The following SMOC1 variants were observed in gnomAD, a reference collection of about 807,000 sequenced individuals.
SMOC1 encodes the protein SPARC related modular calcium binding 1.
Under a neutral mutation model 56.3 loss-of-function variants are expected in SMOC1, and 22 were observed. That is an observed-to-expected ratio of 0.39 (90% CI 0.28 to 0.56). SMOC1 has a LOEUF of 0.56. SMOC1 is among the 20% of genes least tolerant of loss of function. The probability of loss-of-function intolerance (pLI) is 0.61; values close to 1 mark genes in which losing one functional copy is unlikely to be tolerated. For synonymous variants in SMOC1, 193 were observed against 215.0 expected (o/e 0.90, Z 0.89); for missense variants, 509 against 565.4 (o/e 0.90, Z 1.01).
intron 3 of SMOC1, among the ~76,000 whole-genome samples, chr14:69,970,768 T>C (rs1409909688): frequency 6.6e-6 from 1 of 152,190 alleles, no homozygotes; most frequent in Admixed American, 6.5e-5. Context: ...TGCTCATCGG[T>C]TGCTCACCTG....
At chr14:69,967,098 C>T (rs1207859467) in intron 3 of SMOC1, among the ~76,000 whole-genome samples, 3 of 152,188 alleles carry the variant, frequency 2.0e-5, no homozygotes, top group African/African-American at 7.2e-5. Flanking sequence ...ACACACCACT[C>T]CTAACTAATG....
intron 5 of SMOC1, among the ~76,000 whole-genome samples, chr14:69,982,976 C>G (rs1176706893): frequency 1.3e-5 from 2 of 152,208 alleles, no homozygotes; most frequent in Non-Finnish European, 2.9e-5. Flanking sequence ...CTCCACCAAG[C>G]CTGGAATGTT....
intron 5 of SMOC1, among the ~76,000 whole-genome samples, chr14:69,985,881 T>G (rs1323798521): frequency 6.6e-6 from 1 of 152,226 alleles, no homozygotes; most frequent in Non-Finnish European, 1.5e-5. Flanking sequence ...TATTAGTTAT[T>G]ATTGTTCATC....
intron 1 of SMOC1, among the ~76,000 whole-genome samples, chr14:69,902,996 G>A (rs1254809978): frequency 6.6e-6 from 1 of 152,136 alleles, no homozygotes; most frequent in African/African-American, 2.4e-5. Context: ...CGCCTGCCTT[G>A]GCCTCCCAAA....
At chr14:69,947,087 G>GCCTTCCCTCCTT (rs1555360726) in intron 1 of SMOC1, among the ~76,000 whole-genome samples, 2 of 143,360 alleles carry the variant, frequency 1.4e-5, no homozygotes, top group African/African-American at 5.2e-5. Context: ...TCTCAGGCCG[G>GCCTTCCCTCCTT]CCTTCCTTCC....
chr14:69,978,466 A>C (rs1003542088), intron 5 of SMOC1, among the ~76,000 whole-genome samples: 1 of 152,168 alleles, frequency 6.6e-6, no homozygotes, highest in East Asian at 1.9e-4. Context: ...TGCAGTTGCT[A>C]TCCTGAAATT....
chr14:69,960,476 C>CT lies in SMOC1; in HGVS notation c.378+6954dup, dbSNP rs897466166. On this transcript the variant is annotated intron_variant, in intron 3 of 11. Coordinates refer to ENST00000361956, the MANE Select transcript of SMOC1 (RefSeq NM_001034852.3). ...CCTTTTGGTCTGTGGACAATGCCAG[C>CT]TTTTTTTTTTAAAGCAGTCATACTG... Among the ~76,000 whole-genome samples the CT allele has an allele frequency of 6.7e-4, 100 of 148,936 alleles. 1 individual carries two copies. The highest frequency in any genetic ancestry group is 1.8e-3 in the Admixed American group (27 of 14,944).
chr14:69,999,657 C>T (rs1430448521), intron 7 of SMOC1, among the ~76,000 whole-genome samples: 3 of 152,170 alleles, frequency 2.0e-5, no homozygotes, highest in African/African-American at 7.2e-5. Context: ...TAGAATTGAG[C>T]TGGGGATGGG....
intron 1 of SMOC1, among the ~76,000 whole-genome samples, chr14:69,946,843 G>A (rs1882800302): frequency 6.6e-6 from 1 of 152,192 alleles, no homozygotes; most frequent in African/African-American, 2.4e-5. Context: ...TCATGGCTTG[G>A]TGCTGTCCTT....
chr14:69,921,392 T>A (rs1234629568), intron 1 of SMOC1, among the ~76,000 whole-genome samples: 1 of 152,182 alleles, frequency 6.6e-6, no homozygotes, highest in Non-Finnish European at 1.5e-5. Flanking sequence ...CTGCACTGGT[T>A]TTCATTTCCA....
At chr14:69,886,175 ACTT>A in intron 1 of SMOC1, 1 of 981,264 alleles carries the variant, frequency 1.0e-6, no homozygotes. Context: ...CCTTTGAACA[ACTT>A]CTATATCTGG....
intron 7 of SMOC1, among the ~76,000 whole-genome samples, chr14:69,996,088 A>G (rs184089544): frequency 6.6e-6 from 1 of 152,338 alleles, no homozygotes; most frequent in Non-Finnish European, 1.5e-5. Flanking sequence ...GCTCTGAATT[A>G]TAACATACAG....
chr14:69,984,410 T>C (rs970315538), intron 5 of SMOC1, among the ~76,000 whole-genome samples: 6 of 152,186 alleles, frequency 3.9e-5, no homozygotes, highest in African/African-American at 1.4e-4. Flanking sequence ...TAAAATTTGC[T>C]CTGCAAAAAG....
At position 69,881,088 on chromosome 14, in the gene SMOC1, A is replaced by G. The variant is rs1053731114; in HGVS notation, c.99+1311A>G. 6.6e-5 allele frequency among the ~76,000 whole-genome samples: 10 copies of G among 152,232 alleles called. 1 individual carries two copies. In the East Asian group the frequency reaches 1.9e-3, roughly 29 times the overall value. ...AACAGCAGCAGTTAAAGTGTGGCAG[A>G]TTAGATCCAGGGCGTGTCATAAATC... On this transcript the variant is annotated intron_variant, in intron 1 of 11. Transcript: ENST00000361956.
At chr14:70,009,724 G>T (rs1452493512) in intron 7 of SMOC1, among the ~76,000 whole-genome samples, 2 of 152,360 alleles carry the variant, frequency 1.3e-5, no homozygotes, top group East Asian at 1.9e-4. Flanking sequence ...CAAAAAAGTA[G>T]ATGTGTGCAC....
chr14:69,933,616 G>A (rs1388453281), intron 1 of SMOC1, among the ~76,000 whole-genome samples: 2 of 149,760 alleles, frequency 1.3e-5, no homozygotes, highest in Admixed American at 6.6e-5. Flanking sequence ...TGCAACCTGC[G>A]CCTCCTGGGT....
intron 1 of SMOC1, among the ~76,000 whole-genome samples, chr14:69,893,044 T>C (rs1884006098): frequency 6.6e-6 from 1 of 152,228 alleles, no homozygotes; most frequent in South Asian, 2.1e-4. Flanking sequence ...AAACAGGTCT[T>C]CTGGAGTTTC....
intron 5 of SMOC1, among the ~76,000 whole-genome samples, chr14:69,983,297 A>T (rs1328553043): frequency 6.6e-6 from 1 of 152,186 alleles, no homozygotes; most frequent in Non-Finnish European, 1.5e-5. Context: ...GTAACCATTG[A>T]TATTTTACGC....
intron 5 of SMOC1, among the ~76,000 whole-genome samples, chr14:69,985,057 A>G (rs1884319087): frequency 2.0e-5 from 3 of 152,052 alleles, no homozygotes; most frequent in Admixed American, 2.0e-4. Context: ...AAAAAAAGAA[A>G]AGAAAGAAAT....
Sources: gnomAD v4.1 joint callset for allele counts (sites outside exome capture counted in the v4.1 genomes callset) on GRCh38, gnomAD v4.1.1 for gene constraint, MANE v1.5 for transcripts, NCBI Gene and HGNC (gene_info 2026-07-23, HGNC 2026-07-21) for gene names.